DIAPH2: variants seen among roughly 807,000 people sequenced by gnomAD.
DIAPH2 encodes the protein diaphanous related formin 2, also known as protein diaphanous homolog 2.
A neutral mutation model predicts 92.7 loss-of-function variants in DIAPH2; 35 were observed. The ratio of observed to expected loss-of-function variants is 0.38; its 90% CI spans 0.29 to 0.50. The LOEUF (loss-of-function observed/expected upper bound fraction) is 0.50, where lower values mean the gene tolerates loss of function less well. Ranked by LOEUF, DIAPH2 falls within the 20% of genes least tolerant of loss-of-function variation. The pLI, the probability that DIAPH2 is intolerant of heterozygous loss-of-function variation, is 0.94. For synonymous variants in DIAPH2, 301 were observed against 280.4 expected, an observed-to-expected ratio of 1.07 and a Z score of -0.73; for missense variants, 701 against 819.5, an observed-to-expected ratio of 0.86 and a Z score of 1.77.
At chrX:97,257,836 G>A (rs1264124013) in intron 23 of DIAPH2, among the ~76,000 whole-genome samples, 1 of 110,081 alleles carries the variant, frequency 9.1e-6, no homozygotes. Flanking sequence ...AACATGCCTT[G>A]CAAAATGGAA....
intron 5 of DIAPH2, among the ~76,000 whole-genome samples, chrX:96,882,344 C>T (rs746581677): frequency 1.4e-4 from 16 of 110,622 alleles, no homozygotes; most frequent in African/African-American, 4.6e-4. Flanking sequence ...CCACCGCGCC[C>T]GGCCGATTTT....
chrX:97,162,681 T>C (rs78157549), intron 22 of DIAPH2, among the ~76,000 whole-genome samples: 39,778 of 109,508 alleles, frequency 0.36, 5,790 homozygotes, highest in South Asian at 0.54. Context: ...AATTTTTGTT[T>C]TTTGTTTGTT....
At chrX:97,182,895 T>G (rs1300849527) in intron 22 of DIAPH2, among the ~76,000 whole-genome samples, 1 of 110,914 alleles carries the variant, frequency 9.0e-6, no homozygotes, top group African/African-American at 3.3e-5. Context: ...AATTACCTAT[T>G]TTTGCAACTG....
In DIAPH2 at chrX:97,604,431, T is replaced by G. The variant is rs774517887; in HGVS notation, c.*5114T>G. The G allele has an allele frequency of 4.5e-5, 5 of 112,242 alleles. No individual in the cohort carries two copies. In the East Asian group the frequency reaches 1.1e-3, roughly 25 times the overall value. 9.3% of individuals were successfully genotyped at this position (112,242 alleles called of 1,213,427 possible). On this transcript the variant is annotated 3_prime_UTR_variant, in exon 27 of 27. Coordinates refer to ENST00000324765, the MANE Select transcript of DIAPH2 (RefSeq NM_006729.5). ...GGGCACCATGCAGCTCACTACACTA[T>G]TCATTGCACACAAATGAATTTTTCA...
chrX:97,412,154 T>C (rs2069882283), intron 25 of DIAPH2, among the ~76,000 whole-genome samples: 2 of 111,959 alleles, frequency 1.8e-5, no homozygotes, highest in African/African-American at 6.5e-5. Flanking sequence ...TAGTTGGAAG[T>C]AAAGCACTCC....
intron 11 of DIAPH2, 86 bp downstream of exon 11, chrX:96,937,437 C>A: frequency 2.0e-6 from 1 of 490,903 alleles, no homozygotes. Context: ...TATTAGAGTT[C>A]TTGTCTGCCC....
chrX:96,739,460 G>A lies in DIAPH2; in HGVS notation c.342+698G>A, dbSNP rs1477082268. On this transcript the variant is annotated intron_variant, in intron 3 of 26. Transcript: ENST00000324765. ...TCCCACATGTTACTGTACATTTTTT[G>A]TGGTTGTCTATTTACCTGTAGTTGT... Among the ~76,000 whole-genome samples, 3 of 111,346 alleles carry A rather than the reference G, an allele frequency of 2.7e-5. No homozygotes were observed. The East Asian group carries it at 8.5e-4, about 31-fold the overall frequency.
At chrX:97,463,018 A>G (rs138150897) in intron 26 of DIAPH2, among the ~76,000 whole-genome samples, 89 of 111,483 alleles carry the variant, frequency 8.0e-4, no homozygotes, top group African/African-American at 2.8e-3. Context: ...CTGGGTGTTC[A>G]TTGAACAGAT....
intron 4 of DIAPH2, among the ~76,000 whole-genome samples, chrX:96,794,056 C>T (rs191238961): frequency 1.1e-4 from 12 of 111,583 alleles, no homozygotes; most frequent in Non-Finnish European, 2.1e-4. Flanking sequence ...CCAGGAAGTC[C>T]AAGATCAGGA....
chrX:97,083,974 G>T (rs1569297236), intron 19 of DIAPH2, among the ~76,000 whole-genome samples: 1 of 110,705 alleles, frequency 9.0e-6, no homozygotes, highest in Non-Finnish European at 1.9e-5. Context: ...TTTTCCACCT[G>T]TGAATACAGG....
chrX:96,964,129 G>C (rs2065880756), intron 16 of DIAPH2, among the ~76,000 whole-genome samples: 1 of 110,825 alleles, frequency 9.0e-6, no homozygotes, highest in African/African-American at 3.3e-5. Flanking sequence ...ACAACCATCT[G>C]GGGAAATGTG....
intron 22 of DIAPH2, among the ~76,000 whole-genome samples, chrX:97,201,079 G>A (rs1412210528): frequency 9.3e-6 from 1 of 107,572 alleles, no homozygotes; most frequent in Admixed American, 1.0e-4. Flanking sequence ...GCAGAAGAGA[G>A]GCCTGTTAGA....
chrX:97,065,592 C>G, intron 17 of DIAPH2, among the ~76,000 whole-genome samples: 1 of 110,990 alleles, frequency 9.0e-6, no homozygotes, highest in South Asian at 3.8e-4. Context: ...GTACATAATA[C>G]TTGGTAATAA....
At chrX:96,848,375 A>G (rs1289990682) in intron 4 of DIAPH2, among the ~76,000 whole-genome samples, 2 of 112,036 alleles carry the variant, frequency 1.8e-5, no homozygotes, top group African/African-American at 6.5e-5. Flanking sequence ...AATGGGATTG[A>G]TGCTTTGCTT....
At chrX:97,110,166 C>A (rs1467968948) in intron 20 of DIAPH2, among the ~76,000 whole-genome samples, 1 of 111,705 alleles carries the variant, frequency 9.0e-6, no homozygotes, top group African/African-American at 3.3e-5. Flanking sequence ...TCAATCAGCA[C>A]ATATTGATAT....
chrX:96,942,725 A>T (rs2147804687), intron 13 of DIAPH2, among the ~76,000 whole-genome samples: 1 of 111,447 alleles, frequency 9.0e-6, no homozygotes, highest in African/African-American at 3.2e-5. Context: ...AGTTAGCAGT[A>T]CTTTTCAGAA....
intron 3 of DIAPH2, among the ~76,000 whole-genome samples, chrX:96,746,701 G>C (rs6620148): frequency 0.2 from 21,494 of 108,745 alleles, 1,608 homozygotes; most frequent in East Asian, 0.33. Flanking sequence ...CTGTATGCAC[G>C]TGCCACCATG....
chrX:96,887,282 A>G (rs914246080), intron 5 of DIAPH2, among the ~76,000 whole-genome samples: 11 of 111,721 alleles, frequency 9.8e-5, no homozygotes, highest in Non-Finnish European at 1.9e-4. Flanking sequence ...TTCATTTTGA[A>G]CACCCACCTG....
intron 5 of DIAPH2, among the ~76,000 whole-genome samples, chrX:96,893,687 C>T (rs1336684896): frequency 7.1e-5 from 8 of 112,246 alleles, no homozygotes; most frequent in Non-Finnish European, 1.9e-5. Flanking sequence ...ATCTAACCTG[C>T]TACCAAGGTG....
Sources: gnomAD v4.1 joint callset for allele counts (sites outside exome capture counted in the v4.1 genomes callset) on GRCh38, gnomAD v4.1.1 for gene constraint, MANE v1.5 for transcripts, NCBI Gene and HGNC (gene_info 2026-07-23, HGNC 2026-07-21) for gene names.